TENM2: variants seen among roughly 807,000 people sequenced by gnomAD.
TENM2 encodes the protein teneurin transmembrane protein 2, also known as teneurin-2.
In TENM2, 52 loss-of-function variants were observed where a neutral mutation model predicts 245.2. That is an observed-to-expected ratio of 0.21 (90% CI 0.17 to 0.27). The LOEUF (loss-of-function observed/expected upper bound fraction) is 0.27, where lower values mean the gene tolerates loss of function less well. Ranked by LOEUF, TENM2 falls within the 10% of genes least tolerant of loss-of-function variation. The pLI, the probability that TENM2 is intolerant of heterozygous loss-of-function variation, is 1.00. For missense variants in TENM2, 3,046 were observed against 3,666.8 expected (o/e 0.83, Z 4.37); for synonymous variants, 1,363 against 1,438.9 (o/e 0.95, Z 1.19).
the TENM2 span, among the ~76,000 whole-genome samples, chr5:167,055,290 A>G: frequency 0.011 from 1,742 of 152,192 alleles, 11 homozygotes; most frequent in Admixed American, 0.018. Context: ...TGAAAAGACT[A>G]TCCTACTATC....
Position 167,720,944 on chromosome 5 carries a change from G to A in TENM2, c.503-155042G>A, listed in dbSNP as rs558707299. ...GACGAAGTTGGGTGGGTGTTGTGCT[G>A]GAATGAAAGCTGCAGTCGTCTTTGC... On this transcript the variant is annotated intron_variant, in intron 2 of 28. Coordinates refer to ENST00000518659, the Ensembl canonical transcript of TENM2. 3.3e-5 allele frequency among the ~76,000 whole-genome samples: 5 copies of A among 152,326 alleles called. No individual in the cohort carries two copies. The South Asian group carries it at 1.0e-3, about 32-fold the overall frequency.
intron 2 of TENM2, among the ~76,000 whole-genome samples, chr5:167,549,544 G>T (rs1164909553): frequency 5.3e-5 from 8 of 152,142 alleles, no homozygotes; most frequent in African/African-American, 9.6e-5. Flanking sequence ...GAGGAGTGGG[G>T]TTTTTTCAAA....
At chr5:167,335,011 G>T (rs1012321261) in intron 1 of TENM2, among the ~76,000 whole-genome samples, 1 of 152,146 alleles carries the variant, frequency 6.6e-6, no homozygotes, top group Non-Finnish European at 1.5e-5. Context: ...TTAATAGCTT[G>T]GTTGGTGTAG....
chr5:167,722,139 C>G (rs1171608209), intron 2 of TENM2, among the ~76,000 whole-genome samples: 1 of 152,196 alleles, frequency 6.6e-6, no homozygotes. Flanking sequence ...GCATGGCTCA[C>G]TTAGAGAAGC....
chr5:167,370,790 G>C (rs1287756047), intron 1 of TENM2, among the ~76,000 whole-genome samples: 1 of 152,188 alleles, frequency 6.6e-6, no homozygotes, highest in Non-Finnish European at 1.5e-5. Context: ...GTGCCTCCTT[G>C]TTATCTTTCT....
chr5:167,596,727 C>T (rs1480334800), intron 2 of TENM2, among the ~76,000 whole-genome samples: 6 of 148,838 alleles, frequency 4.0e-5, no homozygotes, highest in Admixed American at 1.4e-4. Flanking sequence ...ACCCGGGAGG[C>T]GGAGCTTGCA....
Position 167,364,572 on chromosome 5 carries a change from G to A in TENM2, c.227-10626G>A, listed in dbSNP as rs139355651. On this transcript the variant is annotated intron_variant, in intron 1 of 28. Transcript: ENST00000518659. ...TGGCTACAAAAGGCATATGTCAAAT[G>A]TAAAGACAACAGAAAAGTTGAAAGT... Among the ~76,000 whole-genome samples the A allele has an allele frequency of 6.6e-3, 1,003 of 152,112 alleles. 3 individuals are homozygous for A. The highest frequency in any genetic ancestry group is 0.011 in the Non-Finnish European group (781 of 67,932).
chr5:167,479,566 T>A (rs1767625161), intron 2 of TENM2, among the ~76,000 whole-genome samples: 1 of 152,200 alleles, frequency 6.6e-6, no homozygotes, highest in African/African-American at 2.4e-5. Flanking sequence ...TAAAATATTA[T>A]TACCTGGAAA....
intron 7 of TENM2, among the ~76,000 whole-genome samples, chr5:168,069,132 A>G (rs919592236): frequency 2.0e-5 from 3 of 152,220 alleles, no homozygotes; most frequent in African/African-American, 4.8e-5. Flanking sequence ...CTGATTTTAC[A>G]TCCTGAATCA....
At chr5:167,195,977 A>G in the TENM2 span, among the ~76,000 whole-genome samples, 1 of 151,980 alleles carries the variant, frequency 6.6e-6, no homozygotes, top group Admixed American at 6.6e-5. Context: ...CCCATCTTCA[A>G]TGGTTACCAT....
the TENM2 span, among the ~76,000 whole-genome samples, chr5:167,127,028 C>A: frequency 2.6e-5 from 4 of 150,972 alleles, no homozygotes; most frequent in East Asian, 5.8e-4. Flanking sequence ...TTTTCACCTG[C>A]CTTTATACTT....
At position 167,808,506 on chromosome 5, in the gene TENM2, T is replaced by TG. The variant is rs1403543590; in HGVS notation, c.503-67480_503-67479insG. On this transcript the variant is annotated intron_variant, in intron 2 of 28. Coordinates refer to ENST00000518659, the Ensembl canonical transcript of TENM2. ...AACTCCTGACCTCAGGTGATCAGCC[T>TG]ACCTCAGTCTCCCAAAATGCTAGAA... Among the ~76,000 whole-genome samples, 95 of 152,290 alleles carry TG rather than the reference T, an allele frequency of 6.2e-4. 1 individual carries two copies. Among genetic ancestry groups the TG allele is most frequent in the African/African-American group, 2.2e-3 (93 of 41,568 alleles).
At chr5:167,591,425 T>G (rs1046183262) in intron 2 of TENM2, among the ~76,000 whole-genome samples, 3 of 152,220 alleles carry the variant, frequency 2.0e-5, no homozygotes, top group Non-Finnish European at 2.9e-5. Flanking sequence ...ACCTAGGAAC[T>G]TACATTGAAT....
At chr5:167,334,407 A>C (rs560517633) in intron 1 of TENM2, among the ~76,000 whole-genome samples, 2 of 152,178 alleles carry the variant, frequency 1.3e-5, no homozygotes, top group Non-Finnish European at 2.9e-5. Context: ...AAATAAAACA[A>C]TTTCTTTCCA....
intron 2 of TENM2, among the ~76,000 whole-genome samples, chr5:167,453,696 A>T (rs1018975504): frequency 6.6e-6 from 1 of 152,222 alleles, no homozygotes; most frequent in Non-Finnish European, 1.5e-5. Context: ...TCCCAATTCA[A>T]GATCAAAAGA....
At chr5:168,245,941 T>C (rs915626053) in intron 26 of TENM2, among the ~76,000 whole-genome samples, 1 of 152,040 alleles carries the variant, frequency 6.6e-6, no homozygotes, top group African/African-American at 2.4e-5. Context: ...AGCTTCAAAA[T>C]GCAGGATGTG....
chr5:167,701,898 C>T (rs1002017456), intron 2 of TENM2, among the ~76,000 whole-genome samples: 2 of 152,148 alleles, frequency 1.3e-5, no homozygotes, highest in Non-Finnish European at 2.9e-5. Flanking sequence ...TGGAACTATA[C>T]TAAAAGTAAA....
chr5:167,181,778 A>G, the TENM2 span, among the ~76,000 whole-genome samples: 4 of 152,302 alleles, frequency 2.6e-5, no homozygotes, highest in East Asian at 5.8e-4. Flanking sequence ...CTAATTTTTC[A>G]TTGTAACACA....
chr5:167,094,659 G>C, the TENM2 span, among the ~76,000 whole-genome samples: 1 of 152,102 alleles, frequency 6.6e-6, no homozygotes, highest in Non-Finnish European at 1.5e-5. Context: ...TAAGTCTTGT[G>C]CTACTTCTCA....
Sources: allele counts gnomAD v4.1 joint callset (sites outside exome capture counted in the v4.1 genomes callset), GRCh38; gene constraint gnomAD v4.1.1; transcripts MANE v1.5; gene names NCBI Gene and HGNC (gene_info 2026-07-23, HGNC 2026-07-21).